TMTC1: variants seen among roughly 807,000 people sequenced by gnomAD.
TMTC1 encodes transmembrane O-mannosyltransferase targeting cadherins 1, also known as protein O-mannosyl-transferase TMTC1.
Under a neutral mutation model 104.8 loss-of-function variants are expected in TMTC1, and 73 were observed. The observed-to-expected ratio is 0.70, with a 90% CI of 0.58 to 0.85. The LOEUF (loss-of-function observed/expected upper bound fraction) is 0.85, where lower values mean the gene tolerates loss of function less well. Among genes scored for constraint, TMTC1 ranks in the 40% least tolerant of loss-of-function variants. The pLI is 0.00. For missense variants in TMTC1, 1,035 were observed against 1,096.1 expected (o/e 0.94, Z 0.79); for synonymous variants, 434 against 428.7 (o/e 1.01, Z -0.15).
At position 29,693,315 on chromosome 12, in the gene TMTC1, C is replaced by A. The variant is rs546916416; in HGVS notation, c.938+58351G>T. Among the ~76,000 whole-genome samples the A allele has an allele frequency of 2.1e-5, 3 of 144,764 alleles. 1 individual carries two copies. The highest frequency in any genetic ancestry group is 7.1e-5 in the Admixed American group (1 of 14,042). The allele number at this position is 144,764 out of a possible 152,430, so 95.0% of individuals were successfully genotyped here. ...TACATACAATGTGTGCTGATCAAAT[C>A]AGGATAATTAGCATATCCATCATCT... On this transcript the variant is annotated intron_variant, in intron 5 of 17. Coordinates refer to ENST00000539277, the MANE Select transcript of TMTC1 (RefSeq NM_001193451.2).
At chr12:29,590,984 T>C (rs1287571879) in intron 7 of TMTC1, among the ~76,000 whole-genome samples, 2 of 152,176 alleles carry the variant, frequency 1.3e-5, no homozygotes, top group African/African-American at 4.8e-5. Context: ...TGTGGATCCC[T>C]GCTATAACCA....
Position 29,783,853 on chromosome 12 carries a change from G to C in TMTC1, c.-102C>G. 1 of 1,033,462 alleles carries C rather than the reference G, an allele frequency of 9.7e-7. No individual in the cohort carries two copies. Among genetic ancestry groups the C allele is most frequent in the African/African-American group, 1.7e-5 (1 of 58,620 alleles). 64.0% of individuals were successfully genotyped at this position (1,033,462 alleles called of 1,614,324 possible). A position where few individuals can be genotyped will look rare whatever the true frequency, so the allele number is the denominator to read the frequency against. ...GCGGCGTCTGCCCGGAGGGGGGCTCGGGCATGGTGCTGCGGCAGCTGGACC... is the reference window on the plus strand; with the variant it reads ...GCGGCGTCTGCCCGGAGGGGGGCTCCGGCATGGTGCTGCGGCAGCTGGACC... On this transcript the variant is annotated 5_prime_UTR_variant, in exon 1 of 18. Coordinates refer to ENST00000539277, the MANE Select transcript of TMTC1 (RefSeq NM_001193451.2). The surrounding 1 kb of genome is among the most constrained non-coding windows in gnomAD (Gnocchi z 4.7).
chr12:29,545,632 C>CAT (rs1944921298), intron 10 of TMTC1, among the ~76,000 whole-genome samples: 2 of 65,702 alleles, frequency 3.0e-5, no homozygotes, highest in Non-Finnish European at 7.4e-5. Flanking sequence ...GACTCTGTCA[C>CAT]ACACACACAC....
chr12:29,772,286 C>A (rs531717880), intron 1 of TMTC1, among the ~76,000 whole-genome samples: 85 of 152,304 alleles, frequency 5.6e-4, no homozygotes, highest in African/African-American at 1.9e-3. Flanking sequence ...CAAGGGCTCA[C>A]AATTTGCCAT....
chr12:29,783,807 C>T lies in TMTC1; in HGVS notation c.-56G>A. 1 of 1,119,480 alleles carries T rather than the reference C, an allele frequency of 8.9e-7. No homozygotes were observed. Among genetic ancestry groups the T allele is most frequent in the East Asian group, 5.3e-5 (1 of 18,990 alleles). 69.3% of individuals were successfully genotyped at this position (1,119,480 alleles called of 1,614,324 possible). Reference sequence around the variant, plus strand: ...TCTCCCGGGCGTCTGGCATCCTCCCCTACCGGGGCCCCGGCGGCGCGCGGC... The same window carrying T: ...TCTCCCGGGCGTCTGGCATCCTCCCTTACCGGGGCCCCGGCGGCGCGCGGC... On this transcript the variant is annotated 5_prime_UTR_variant, in exon 1 of 18. Transcript: ENST00000539277. This position sits in a 1 kb window ranked among gnomAD's most constrained non-coding sequence, Gnocchi z 4.7.
intron 4 of TMTC1, among the ~76,000 whole-genome samples, chr12:29,752,393 C>G (rs1052983257): frequency 1.3e-5 from 2 of 152,108 alleles, no homozygotes; most frequent in African/African-American, 4.8e-5. Context: ...AAGGGATGAT[C>G]AGAAAGTGAA....
chr12:29,749,891 T>TCA (rs914907312), intron 5 of TMTC1, among the ~76,000 whole-genome samples: 3 of 151,966 alleles, frequency 2.0e-5, no homozygotes, highest in African/African-American at 7.3e-5. Context: ...CAAATCCACC[T>TCA]CATCTCTTCA....
Position 29,572,180 on chromosome 12 carries a change from T to A in TMTC1, c.1457A>T (p.His486Leu). Residue 486 changes from histidine to leucine, a missense_variant, in exon 9 of 18, where the codon CAC becomes CTC. Physicochemically the swap from His to Leu is moderately conservative, Grantham distance 99. Transcript: ENST00000539277. ...VQTLPHNAKV[H>L]YNYANFLKDQ... ...CTTCAGGAAATTGGCATAGTTGTAG[T>A]GAACCTTGGCATTGTGGGGCAGAGT... 6.2e-7 allele frequency: 1 copy of A among 1,614,004 alleles called. No individual in the cohort carries two copies. Among genetic ancestry groups the A allele is most frequent in the Non-Finnish European group, 8.5e-7 (1 of 1,179,870 alleles).
At chr12:29,525,464 G>T (rs1438804818) in intron 11 of TMTC1, among the ~76,000 whole-genome samples, 1 of 152,006 alleles carries the variant, frequency 6.6e-6, no homozygotes, top group Non-Finnish European at 1.5e-5. Context: ...GGGATTGCAG[G>T]TGTGAGCCAC....
chr12:29,587,668 G>C (rs1191101810), intron 7 of TMTC1, among the ~76,000 whole-genome samples: 2 of 152,134 alleles, frequency 1.3e-5, no homozygotes, highest in Non-Finnish European at 2.9e-5. Context: ...TAAGAAAGAA[G>C]CAAGTTTGTG....
chr12:29,715,456 C>G (rs1942049703), intron 5 of TMTC1, among the ~76,000 whole-genome samples: 1 of 152,170 alleles, frequency 6.6e-6, no homozygotes, highest in African/African-American at 2.4e-5. Context: ...AAAAACTTAT[C>G]CATCTCAGTG....
intron 5 of TMTC1, chr12:29,658,342 G>A (rs1308989710): frequency 6.6e-6 from 1 of 152,052 alleles, no homozygotes; most frequent in Non-Finnish European, 1.5e-5. Flanking sequence ...ATTTTTTACA[G>A]TCCACAGGTC....
intron 6 of TMTC1, among the ~76,000 whole-genome samples, chr12:29,628,572 A>G (rs1180412093): frequency 6.6e-6 from 1 of 152,222 alleles, no homozygotes; most frequent in Non-Finnish European, 1.5e-5. Context: ...TTTACAGTCT[A>G]TTCTCTCTAA....
At chr12:29,782,014 G>A (rs968466628) in intron 1 of TMTC1, among the ~76,000 whole-genome samples, 1 of 152,200 alleles carries the variant, frequency 6.6e-6, no homozygotes, top group Non-Finnish European at 1.5e-5. Flanking sequence ...AAGATAGCAA[G>A]CACATCTCAT....
intron 16 of TMTC1, among the ~76,000 whole-genome samples, chr12:29,513,832 AT>A (rs1321519130): frequency 1.3e-5 from 2 of 152,190 alleles, no homozygotes; most frequent in Non-Finnish European, 2.9e-5. Context: ...GGAAAGTCCA[AT>A]CTAACTGGGG....
At chr12:29,771,709 A>G (rs1943598399) in intron 1 of TMTC1, among the ~76,000 whole-genome samples, 1 of 152,166 alleles carries the variant, frequency 6.6e-6, no homozygotes, top group African/African-American at 2.4e-5. Flanking sequence ...GGTGGTATCC[A>G]AAGTGGGGCA....
intron 5 of TMTC1, among the ~76,000 whole-genome samples, chr12:29,720,821 A>G (rs1942217390): frequency 1.3e-5 from 2 of 152,178 alleles, no homozygotes; most frequent in African/African-American, 2.4e-5. Flanking sequence ...ACATATCCCA[A>G]GCAGGATAAA....
chr12:29,701,833 T>C (rs1191793682), intron 5 of TMTC1, among the ~76,000 whole-genome samples: 4 of 152,164 alleles, frequency 2.6e-5, no homozygotes, highest in African/African-American at 9.7e-5. Context: ...TGTCAATAAT[T>C]TCAGGACAAG....
At chr12:29,621,872 C>A (rs1251090099) in intron 6 of TMTC1, among the ~76,000 whole-genome samples, 1 of 152,120 alleles carries the variant, frequency 6.6e-6, no homozygotes, top group Non-Finnish European at 1.5e-5. Flanking sequence ...CCCTACCCCA[C>A]CCCTACCCTC....
Sources: allele counts gnomAD v4.1 joint callset (sites outside exome capture counted in the v4.1 genomes callset), GRCh38; gene constraint gnomAD v4.1.1; non-coding constraint Gnocchi (gnomAD v3.1); transcripts MANE v1.5; gene names NCBI Gene and HGNC (gene_info 2026-07-23, HGNC 2026-07-21).